The following TRPC4 variants were observed in gnomAD, a reference collection of about 807,000 sequenced individuals.
TRPC4 encodes short transient receptor potential channel 4.
TRPC4 carries 49 observed loss-of-function variants against 99.4 expected under a neutral mutation model. The ratio of observed to expected loss-of-function variants is 0.49; its 90% CI spans 0.39 to 0.63. The LOEUF (loss-of-function observed/expected upper bound fraction) is 0.63. Among genes scored for constraint, TRPC4 ranks in the 20% least tolerant of loss-of-function variants. The pLI is 0.00. For synonymous variants in TRPC4, 454 were observed against 425.9 expected (o/e 1.07, Z -0.81); for missense variants, 898 against 1,152.9 (o/e 0.78, Z 3.20).
In TRPC4 at chr13:37,655,254, C is replaced by A; in HGVS notation, c.1718G>T (p.Trp573Leu). Residue 573 changes from tryptophan (W) to leucine (L), a missense_variant, in exon 7 of 11, where the codon TGG becomes TTG. Around this residue, in one of 3 missense-constraint regions of TRPC4, gnomAD observed 274 missense variants for 454.9 expected, o/e 0.60. Transcript: ENST00000379705. ...TAAATTGATGAGCCCAAATATTGAC[C>A]AAAACAGGGACTGCAGTGTCTCAAA... is the stretch of plus-strand genomic sequence containing the variant. ...TLFETLQSLF[W>L]SIFGLINLYV... 1.3e-6 allele frequency: 2 copies of A among 1,591,984 alleles called. No homozygotes were observed. Among genetic ancestry groups the A allele is most frequent in the Non-Finnish European group, 1.7e-6 (2 of 1,168,302 alleles).
At chr13:37,830,820 TAA>T (rs1447323569) in intron 1 of TRPC4, among the ~76,000 whole-genome samples, 3 of 142,564 alleles carry the variant, frequency 2.1e-5, no homozygotes, top group Admixed American at 7.0e-5. Flanking sequence ...TATATATATA[TAA>T]TATAATAGTA....
chr13:37,685,161 A>T (rs1195573215), intron 4 of TRPC4, among the ~76,000 whole-genome samples: 1 of 152,192 alleles, frequency 6.6e-6, no homozygotes, highest in Non-Finnish European at 1.5e-5. Flanking sequence ...AAGCAGAAAC[A>T]TGGTCCATTC....
At chr13:37,724,039 G>A (rs1954957135) in intron 3 of TRPC4, among the ~76,000 whole-genome samples, 1 of 151,910 alleles carries the variant, frequency 6.6e-6, no homozygotes, top group Admixed American at 6.6e-5. Context: ...AAACTTAAAT[G>A]TCCGCAAATT....
At position 37,646,013 on chromosome 13, in the gene TRPC4, C is replaced by T. The variant is rs138326292; in HGVS notation, c.2079+5252G>A. 7.9e-5 allele frequency among the ~76,000 whole-genome samples: 12 copies of T among 152,344 alleles called. No homozygotes were observed. The East Asian group carries it at 1.9e-3, about 24-fold the overall frequency. On this transcript the variant is annotated intron_variant, in intron 8 of 10. Coordinates refer to ENST00000379705, the MANE Select transcript of TRPC4 (RefSeq NM_016179.4). ...AAGATTTGTCATTAGGCCTACTAAG[C>T]GTCCTAAAGATTAGGGAGCGATACA...
chr13:37,783,022 G>A lies in TRPC4; in HGVS notation c.312C>T (p.Ile104=). Residue 104 remains isoleucine (I), a synonymous_variant, in exon 2 of 11, where the codon ATC becomes ATT. Coordinates refer to ENST00000379705, the MANE Select transcript of TRPC4 (RefSeq NM_016179.4). ...VYVGDALLHA[I]RKEVVGAVEL... ...CAACAGCTCCGACGACTTCTTTTCTGATAGCATGTAATAGAGCATCTCCAA... is the reference window on the plus strand; with the variant it reads ...CAACAGCTCCGACGACTTCTTTTCTAATAGCATGTAATAGAGCATCTCCAA... The A allele has an allele frequency of 2.5e-6, 4 of 1,609,660 alleles. No homozygotes were observed. The highest frequency in any genetic ancestry group is 3.4e-6 in the Non-Finnish European group (4 of 1,178,096).
chr13:37,746,057 C>G lies in TRPC4; in HGVS notation c.777G>C (p.Thr259=), dbSNP rs115609911. The G allele has an allele frequency of 6.2e-7, 1 of 1,613,914 alleles. No individual in the cohort carries two copies. The highest frequency in any genetic ancestry group is 1.1e-5 in the South Asian group (1 of 91,078). The change falls in exon 3 of 11, where the codon ACG becomes ACC. Residue 259 remains threonine (T), a synonymous_variant. Coordinates refer to ENST00000379705, the MANE Select transcript of TRPC4 (RefSeq NM_016179.4). ...TGATTTCCAGTTCTCTGGAACTTCT[C>G]GTCTGATCCAGTAGGTCCTTAGCAA... The part of the protein sequence containing the change: ...KQFAKDLLDQ[T]RSSRELEIIL...
intron 1 of TRPC4, among the ~76,000 whole-genome samples, chr13:37,820,221 G>A (rs753838510): frequency 3.6e-4 from 54 of 151,788 alleles, no homozygotes; most frequent in African/African-American, 1.1e-3. Context: ...CTGGAAACAC[G>A]CAACCTCCCA....
intron 3 of TRPC4, among the ~76,000 whole-genome samples, chr13:37,703,297 A>G (rs573095274): frequency 4.6e-5 from 7 of 152,252 alleles, no homozygotes; most frequent in African/African-American, 1.4e-4. Context: ...TTTGGACCAT[A>G]ACACTGTTTA....
chr13:37,806,805 G>C (rs181112737), intron 1 of TRPC4, among the ~76,000 whole-genome samples: 1 of 152,054 alleles, frequency 6.6e-6, no homozygotes, highest in African/African-American at 2.4e-5. Flanking sequence ...GGGGAAGAAA[G>C]ATCACATTCT....
chr13:37,673,476 T>A (rs1409668454), intron 5 of TRPC4, among the ~76,000 whole-genome samples: 5 of 152,178 alleles, frequency 3.3e-5, no homozygotes, highest in Non-Finnish European at 5.9e-5. Flanking sequence ...CTTTATTTTT[T>A]TTTTTTTACC....
chr13:37,784,658 A>G (rs1369423552), intron 1 of TRPC4, among the ~76,000 whole-genome samples: 1 of 151,936 alleles, frequency 6.6e-6, no homozygotes, highest in Non-Finnish European at 1.5e-5. Context: ...GATCTTTTCA[A>G]CCCTAATCAT....
rs540599352 is a variant in TRPC4, at chr13:37,843,595, A to T, written c.-28+26000T>A. Reference sequence around the variant, plus strand: ...TTGAACCCAGTAGTGTTAATATATCAACTGCTTAATGGCACAAAAATGATT... The same window carrying T: ...TTGAACCCAGTAGTGTTAATATATCTACTGCTTAATGGCACAAAAATGATT... On this transcript the variant is annotated intron_variant, in intron 1 of 10. Coordinates refer to ENST00000379705, the MANE Select transcript of TRPC4 (RefSeq NM_016179.4). 1.7e-4 allele frequency among the ~76,000 whole-genome samples: 26 copies of T among 152,248 alleles called. No homozygotes were observed. In the South Asian group the frequency reaches 5.2e-3, roughly 30 times the overall value.
chr13:37,674,988 ATTATT>A (rs1760785253), intron 4 of TRPC4, among the ~76,000 whole-genome samples: 1 of 151,976 alleles, frequency 6.6e-6, no homozygotes, highest in Admixed American at 6.5e-5. Context: ...AGTGTAGGTT[ATTATT>A]TTATTTCCAT....
Position 37,634,541 on chromosome 13 carries a change from T to C in TRPC4, c.*2362A>G, listed in dbSNP as rs1221482195. ...GTCCCCCTATAAAATGTCAGCACCT[T>C]AACCCCTGATATAAATAAGCTACTG... On this transcript the variant is annotated 3_prime_UTR_variant, in exon 11 of 11. Transcript: ENST00000379705. Among the ~76,000 whole-genome samples the C allele has an allele frequency of 6.6e-6, 1 of 152,036 alleles. No individual in the cohort carries two copies. Among genetic ancestry groups the C allele is most frequent in the Non-Finnish European group, 1.5e-5 (1 of 67,972 alleles).
At chr13:37,706,991 A>T (rs982098886) in intron 3 of TRPC4, among the ~76,000 whole-genome samples, 1 of 152,166 alleles carries the variant, frequency 6.6e-6, no homozygotes. Flanking sequence ...TTTCTTGTGT[A>T]AACAGACATA....
At chr13:37,669,286 G>A (rs1179634486) in intron 5 of TRPC4, among the ~76,000 whole-genome samples, 1 of 152,106 alleles carries the variant, frequency 6.6e-6, no homozygotes, top group East Asian at 1.9e-4. Context: ...CAGAAAAGGG[G>A]CTGGATAATA....
chr13:37,740,691 G>A (rs1056940890), intron 3 of TRPC4, among the ~76,000 whole-genome samples: 4 of 152,168 alleles, frequency 2.6e-5, no homozygotes, highest in Non-Finnish European at 4.4e-5. Flanking sequence ...GCTCACAGCA[G>A]TCTTGTTTCT....
Position 37,637,514 on chromosome 13 carries a change from C to A in TRPC4, c.2323G>T (p.Ala775Ser). The change falls in exon 11 of 11, where the codon GCA becomes TCA. Residue 775 changes from alanine to serine, a missense_variant. Physicochemically the swap from Ala to Ser is moderately conservative, Grantham distance 99. This residue lies in a region of TRPC4 where 346 missense variants were observed against 351.4 expected (regional missense o/e 0.98). Transcript: ENST00000379705. ...ANASKESSNS[A>S]DSDEKSDSEG... ...CTATCACTCTTTTCATCTGAGTCTGCCGAATTTGAAGACTCCTTCGAGGCA... is the reference window on the plus strand; with the variant it reads ...CTATCACTCTTTTCATCTGAGTCTGACGAATTTGAAGACTCCTTCGAGGCA... The A allele has an allele frequency of 6.2e-7, 1 of 1,613,658 alleles. No individual in the cohort carries two copies. The highest frequency in any genetic ancestry group is 8.5e-7 in the Non-Finnish European group (1 of 1,179,774).
chr13:37,773,827 C>T (rs1039887038), intron 2 of TRPC4, among the ~76,000 whole-genome samples: 11 of 151,702 alleles, frequency 7.3e-5, no homozygotes, highest in African/African-American at 2.2e-4. Context: ...TTACAATTCA[C>T]TTTGGTCTGT....
Sources: allele counts gnomAD v4.1 joint callset (sites outside exome capture counted in the v4.1 genomes callset), GRCh38; gene constraint gnomAD v4.1.1; regional missense constraint gnomAD v4.1.1; transcripts MANE v1.5; gene names NCBI Gene and HGNC (gene_info 2026-07-23, HGNC 2026-07-21).